The following CACNA2D1 variants were observed in gnomAD, a reference collection of about 807,000 sequenced individuals.
CACNA2D1 encodes the protein calcium voltage-gated channel auxiliary subunit alpha2delta 1, also known as voltage-dependent calcium channel subunit alpha-2/delta-1.
A neutral mutation model predicts 171.5 loss-of-function variants in CACNA2D1; 53 were observed. That is an observed-to-expected ratio of 0.31 (90% CI 0.25 to 0.39). CACNA2D1 has a LOEUF of 0.39. CACNA2D1 is among the 10% of genes least tolerant of loss of function. The pLI, the probability that CACNA2D1 is intolerant of heterozygous loss-of-function variation, is 1.00. For synonymous variants in CACNA2D1, 442 were observed against 443.1 expected (o/e 1.00, Z 0.03); for missense variants, 903 against 1,299.8 (o/e 0.69, Z 4.69).
intron 3 of CACNA2D1, among the ~76,000 whole-genome samples, chr7:82,172,828 C>A (rs1796177202): frequency 7.1e-6 from 1 of 140,888 alleles, no homozygotes; most frequent in Admixed American, 7.0e-5. Flanking sequence ...TAAACTTTTA[C>A]ATGTATGGGC....
At chr7:82,288,051 G>A (rs905064216) in intron 3 of CACNA2D1, among the ~76,000 whole-genome samples, 46 of 149,060 alleles carry the variant, frequency 3.1e-4, no homozygotes, top group East Asian at 3.9e-4. Flanking sequence ...TGTGTTAGCC[G>A]GGATGGACTC....
intron 6 of CACNA2D1, among the ~76,000 whole-genome samples, chr7:82,107,790 G>T (rs140516657): frequency 0.013 from 1,976 of 151,880 alleles, 50 homozygotes; most frequent in African/African-American, 0.045. Context: ...CACCATGTTG[G>T]CCAGGCTGGT....
intron 3 of CACNA2D1, among the ~76,000 whole-genome samples, chr7:82,316,061 A>G (rs1486918579): frequency 1.3e-5 from 2 of 152,050 alleles, no homozygotes; most frequent in African/African-American, 2.4e-5. Context: ...TCTAATATGT[A>G]TTTTACTTGA....
intron 24 of CACNA2D1, among the ~76,000 whole-genome samples, chr7:81,975,380 C>G (rs1795735132): frequency 6.6e-6 from 1 of 152,052 alleles, no homozygotes; most frequent in Admixed American, 6.6e-5. Flanking sequence ...TACATATTTG[C>G]AAATTATCTT....
chr7:82,409,806 T>C lies in CACNA2D1; in HGVS notation c.95+33559A>G, dbSNP rs562143210. Among the ~76,000 whole-genome samples the C allele has an allele frequency of 6.6e-5, 10 of 152,284 alleles. No homozygotes were observed. The South Asian group carries it at 1.5e-3, about 22-fold the overall frequency. The stretch of plus-strand genomic sequence containing the variant: ...AATGATAGGGATACATTCTGAGATA[T>C]GCATTGTTAGGCGATTTTGTCATTG... On this transcript the variant is annotated intron_variant, in intron 1 of 38. Coordinates refer to ENST00000356860, the MANE Select transcript of CACNA2D1 (RefSeq NM_000722.4).
At chr7:82,402,481 G>A (rs183356309) in intron 1 of CACNA2D1, among the ~76,000 whole-genome samples, 276 of 152,192 alleles carry the variant, frequency 1.8e-3, no homozygotes, top group African/African-American at 6.3e-3. Context: ...GGGAGGCTGA[G>A]GCAGGTGGAT....
At chr7:82,335,059 C>G in intron 3 of CACNA2D1, 76 bp downstream of exon 3, 1 of 955,800 alleles carries the variant, frequency 1.0e-6, no homozygotes, top group Non-Finnish European at 1.7e-6. Flanking sequence ...TACCAAAACC[C>G]CTCAATAGAG....
intron 4 of CACNA2D1, among the ~76,000 whole-genome samples, chr7:82,155,137 A>G (rs1419111749): frequency 6.6e-6 from 1 of 152,078 alleles, no homozygotes; most frequent in African/African-American, 2.4e-5. Flanking sequence ...GTAACTTTCC[A>G]GAGGTCTCCC....
chr7:82,275,751 A>G (rs552943761), intron 3 of CACNA2D1, among the ~76,000 whole-genome samples: 1 of 152,148 alleles, frequency 6.6e-6, no homozygotes, highest in Admixed American at 6.6e-5. Flanking sequence ...TATAAGCAAC[A>G]CTGCAACGGC....
intron 6 of CACNA2D1, among the ~76,000 whole-genome samples, chr7:82,109,106 A>C (rs779318763): frequency 1.5e-4 from 23 of 152,180 alleles, no homozygotes; most frequent in Admixed American, 6.5e-5. Context: ...CTACTCTGCT[A>C]ATATCAGAAC....
At chr7:82,023,896 A>G (rs1209980009) in intron 12 of CACNA2D1, 1 of 151,702 alleles carries the variant, frequency 6.6e-6, no homozygotes, top group East Asian at 1.9e-4. Context: ...TTGATATCTC[A>G]TGTAAGTGGA....
At chr7:82,091,787 T>C (rs564233465) in intron 6 of CACNA2D1, among the ~76,000 whole-genome samples, 1 of 152,282 alleles carries the variant, frequency 6.6e-6, no homozygotes, top group Non-Finnish European at 1.5e-5. Flanking sequence ...CAAAACCAAA[T>C]AAATTATTAA....
intron 19 of CACNA2D1, 107 bp downstream of exon 19, chr7:81,997,072 T>A: frequency 1.3e-6 from 1 of 778,928 alleles, no homozygotes; most frequent in Middle Eastern, 2.3e-4. Context: ...GTATACAGTA[T>A]CAAACAGACA....
chr7:82,064,367 T>C lies in CACNA2D1; in HGVS notation c.729-13A>G, dbSNP rs2128981855. ...TCCTTGGATGTACCTGAAACAAATATTGTAATAAATGCTTTTCTCTTCCAA... is the reference window on the plus strand; with the variant it reads ...TCCTTGGATGTACCTGAAACAAATACTGTAATAAATGCTTTTCTCTTCCAA... On this transcript the variant is annotated splice_polypyrimidine_tract_variant and intron_variant, in intron 8 of 38. Coordinates refer to ENST00000356860, the MANE Select transcript of CACNA2D1 (RefSeq NM_000722.4). 3.2e-6 allele frequency: 5 copies of C among 1,581,732 alleles called. No homozygotes were observed. The East Asian group carries it at 6.7e-5, about 21-fold the overall frequency.
chr7:82,082,061 GTTCT>G (rs1027180674), intron 7 of CACNA2D1, among the ~76,000 whole-genome samples: 4 of 152,180 alleles, frequency 2.6e-5, no homozygotes, highest in Non-Finnish European at 4.4e-5. Context: ...ATGCTAATTA[GTTCT>G]TTAAGTCCCG....
At chr7:82,058,155 T>C (rs1402994166) in intron 10 of CACNA2D1, among the ~76,000 whole-genome samples, 1 of 152,180 alleles carries the variant, frequency 6.6e-6, no homozygotes, top group Non-Finnish European at 1.5e-5. Context: ...GCTTCCAGAA[T>C]TCCTCAGAGA....
intron 29 of CACNA2D1, 96 bp from the exon 30 acceptor site, chr7:81,967,759 G>A (rs1262057336): frequency 3.1e-6 from 2 of 645,514 alleles, no homozygotes; most frequent in Admixed American, 2.5e-5. Flanking sequence ...TCAGACTATA[G>A]TTTATTACAG....
At chr7:82,353,545 C>A (rs1294433312) in intron 1 of CACNA2D1, among the ~76,000 whole-genome samples, 1 of 151,298 alleles carries the variant, frequency 6.6e-6, no homozygotes, top group Non-Finnish European at 1.5e-5. Context: ...GAGTGTACAG[C>A]GAAAGGAAGG....
rs558253816 is a variant in CACNA2D1, at chr7:82,425,788, G to A, written c.95+17577C>T. Among the ~76,000 whole-genome samples the A allele has an allele frequency of 2.3e-3, 348 of 150,114 alleles. 1 individual carries two copies. The highest frequency in any genetic ancestry group is 7.2e-3 in the African/African-American group (294 of 41,064). The stretch of plus-strand genomic sequence containing the variant: ...TGGGATTACAAGTGTGAGCCACCGC[G>A]CCCAACCCAGGATTCATTTTATCTT... On this transcript the variant is annotated intron_variant, in intron 1 of 38. Transcript: ENST00000356860.
Sources: gnomAD v4.1 joint callset for allele counts (sites outside exome capture counted in the v4.1 genomes callset) on GRCh38, gnomAD v4.1.1 for gene constraint, MANE v1.5 for transcripts, NCBI Gene and HGNC (gene_info 2026-07-23, HGNC 2026-07-21) for gene names.